Variants in RPF1 observed in about 807,000 individuals in gnomAD.
The protein encoded by RPF1 is ribosome production factor 1.
In RPF1, 34 loss-of-function variants were observed where a neutral mutation model predicts 41.9. That is an observed-to-expected ratio of 0.81 (90% CI 0.62 to 1.08). RPF1 has a LOEUF of 1.08. Among genes scored for constraint, RPF1 ranks in the 50% least tolerant of loss-of-function variants. The pLI is 0.00. For synonymous variants in RPF1, 140 were observed against 148.9 expected (o/e 0.94, Z 0.43); for missense variants, 425 against 435.2 (o/e 0.98, Z 0.21).
chr1:84,495,840 A>G, intron 6 of RPF1, 42 bp from the exon 7 acceptor site: 1 of 1,296,852 alleles, frequency 7.7e-7, no homozygotes, highest in Non-Finnish European at 1.1e-6. Flanking sequence ...ATTGCCAATT[A>G]GCTTAGCCCA....
At chr1:84,496,989 A>C (rs1681951952) in intron 8 of RPF1, among the ~76,000 whole-genome samples, 1 of 151,898 alleles carries the variant, frequency 6.6e-6, no homozygotes, top group African/African-American at 2.4e-5. Context: ...CTCCTGCCTC[A>C]GCCTCCCGAG....
intron 8 of RPF1, 30 bp from the exon 9 acceptor site, chr1:84,497,399 T>C: frequency 6.3e-7 from 1 of 1,592,532 alleles, no homozygotes; most frequent in Non-Finnish European, 8.6e-7. Flanking sequence ...TTTTGTTTTC[T>C]TCCTCCACTC....
chr1:84,494,850 C>G (rs547213019), intron 5 of RPF1, among the ~76,000 whole-genome samples: 1 of 152,244 alleles, frequency 6.6e-6, no homozygotes, highest in Non-Finnish European at 1.5e-5. Context: ...TGATCTCTTG[C>G]AAAATACTAA....
intron 2 of RPF1, among the ~76,000 whole-genome samples, chr1:84,482,371 T>A (rs1216899267): frequency 6.6e-6 from 1 of 152,222 alleles, no homozygotes; most frequent in Non-Finnish European, 1.5e-5. Flanking sequence ...GTTGAACATT[T>A]GCCCTGTTTG....
intron 2 of RPF1, among the ~76,000 whole-genome samples, chr1:84,481,867 G>T: frequency 6.6e-6 from 1 of 152,170 alleles, no homozygotes; most frequent in Non-Finnish European, 1.5e-5. Flanking sequence ...AAAATGTAAA[G>T]ACAGTATACA....
intron 3 of RPF1, among the ~76,000 whole-genome samples, chr1:84,485,388 C>T (rs1275822505): frequency 6.6e-6 from 1 of 152,142 alleles, no homozygotes; most frequent in Non-Finnish European, 1.5e-5. Context: ...CATGAGCCAC[C>T]CCACCTGGCG....
intron 3 of RPF1, among the ~76,000 whole-genome samples, chr1:84,486,725 A>G (rs1681746453): frequency 6.6e-6 from 1 of 152,164 alleles, no homozygotes; most frequent in African/African-American, 2.4e-5. Flanking sequence ...CCAGGAAAGA[A>G]ATGATGGGCT....
intron 2 of RPF1, among the ~76,000 whole-genome samples, chr1:84,481,419 C>T (rs1204558330): frequency 6.6e-6 from 1 of 152,190 alleles, no homozygotes; most frequent in Non-Finnish European, 1.5e-5. Context: ...CCAGGTTAGG[C>T]CTGGAGCTTG....
At chr1:84,481,089 C>T in intron 2 of RPF1, 77 bp downstream of exon 2, 1 of 795,316 alleles carries the variant, frequency 1.3e-6, no homozygotes, top group Non-Finnish European at 2.1e-6. Context: ...GAATTACTTT[C>T]TTTTAAAATT....
chr1:84,496,949 G>A (rs527277457), intron 8 of RPF1, among the ~76,000 whole-genome samples: 1 of 152,086 alleles, frequency 6.6e-6, no homozygotes, highest in South Asian at 2.1e-4. Context: ...TCGACTCACT[G>A]CAACCTCCAC....
chr1:84,489,889 T>C (rs1681801872), intron 4 of RPF1, among the ~76,000 whole-genome samples, 161 bp downstream of exon 4: 1 of 152,246 alleles, frequency 6.6e-6, no homozygotes, highest in Non-Finnish European at 1.5e-5. Context: ...GTAGGTTTAC[T>C]AAACATGATT....
chr1:84,496,545 C>T (rs918510644), intron 8 of RPF1, among the ~76,000 whole-genome samples, 175 bp downstream of exon 8: 1 of 146,812 alleles, frequency 6.8e-6, no homozygotes, highest in African/African-American at 2.5e-5. Flanking sequence ...ACCTGTACAT[C>T]CTGCACATAT....
intron 5 of RPF1, among the ~76,000 whole-genome samples, chr1:84,493,386 A>G (rs575191054): frequency 7.3e-5 from 11 of 151,378 alleles, no homozygotes; most frequent in African/African-American, 2.7e-4. Context: ...TTGGGAGGCT[A>G]AGGCAGGTGG....
intron 1 of RPF1, 69 bp downstream of exon 1, chr1:84,479,578 C>G: frequency 1.4e-6 from 2 of 1,446,426 alleles, no homozygotes; most frequent in Non-Finnish European, 1.9e-6. Flanking sequence ...TCGCGGGGCG[C>G]ACATCTGTGG....
In RPF1 at chr1:84,479,485, G is replaced by A. The variant is rs545982996; in HGVS notation, c.204G>A (p.Thr68=). The part of the protein sequence containing the change: ...KNKQRRHLMF[T]RWKQQQRKEK... ...AACAGCGGCGACACTTAATGTTCAC[G>A]CGGTGGAAACAGCAGCAGCGGAAGG... Residue 68 remains threonine, a synonymous_variant, in exon 1 of 9, where the codon ACG becomes ACA. Transcript: ENST00000370654. 6.2e-7 allele frequency: 1 copy of A among 1,614,170 alleles called. No individual in the cohort carries two copies. The highest frequency in any genetic ancestry group is 1.7e-5 in the Admixed American group (1 of 60,020).
At chr1:84,495,565 T>C in intron 6 of RPF1, 110 bp downstream of exon 6, 1 of 619,370 alleles carries the variant, frequency 1.6e-6, no homozygotes, top group East Asian at 3.0e-5. Context: ...GCATTTGTTC[T>C]CCTGATTAGA....
chr1:84,481,562 AGT>A (rs1174516761), intron 2 of RPF1, among the ~76,000 whole-genome samples: 1 of 152,180 alleles, frequency 6.6e-6, no homozygotes. Flanking sequence ...ACCTGTGAAA[AGT>A]GAGAATGGGG....
At chr1:84,496,469 C>A in intron 8 of RPF1, 99 bp downstream of exon 8, 1 of 1,020,502 alleles carries the variant, frequency 9.8e-7, no homozygotes, top group Non-Finnish European at 1.4e-6. Flanking sequence ...GGATGCTGGG[C>A]TTAATACCTA....
In RPF1 at chr1:84,483,232, C is replaced by A. The variant is rs911025027; in HGVS notation, c.366+237C>A. ...TAAACTTTTACATTTGTCATATAAT[C>A]CCTGAATGGTATTTTGGAGGGTTTT... On this transcript the variant is annotated intron_variant, in intron 3 of 8. Coordinates refer to ENST00000370654, the MANE Select transcript of RPF1 (RefSeq NM_025065.7). The A allele has an allele frequency of 6.2e-6, 3 of 483,700 alleles. No homozygotes were observed. In the South Asian group the frequency reaches 9.4e-5, roughly 15 times the overall value. The allele number at this position is 483,700 out of a possible 1,614,324, so 30.0% of individuals were successfully genotyped here.
Sources: allele counts gnomAD v4.1 joint callset (sites outside exome capture counted in the v4.1 genomes callset), GRCh38; gene constraint gnomAD v4.1.1; transcripts MANE v1.5; gene names NCBI Gene and HGNC (gene_info 2026-07-23, HGNC 2026-07-21).